Variants in INPP5K observed in about 807,000 individuals in gnomAD.
The protein encoded by INPP5K is inositol polyphosphate-5-phosphatase K, also known as inositol polyphosphate 5-phosphatase K.
Under a neutral mutation model 53.5 loss-of-function variants are expected in INPP5K, and 35 were observed. The ratio of observed to expected loss-of-function variants is 0.65; its 90% CI spans 0.50 to 0.87. INPP5K has a LOEUF of 0.87. Ranked by LOEUF, INPP5K falls within the 40% of genes least tolerant of loss-of-function variation. INPP5K has a pLI of 0.00. For missense variants in INPP5K, 550 were observed against 586.2 expected (o/e 0.94, Z 0.64); for synonymous variants, 253 against 232.8 (o/e 1.09, Z -0.79).
At chr17:1,506,351 C>T (rs1415971389) in intron 7 of INPP5K, among the ~76,000 whole-genome samples, 1 of 152,128 alleles carries the variant, frequency 6.6e-6, no homozygotes, top group East Asian at 1.9e-4. Flanking sequence ...TCACAATAGC[C>T]GTTCTCTCCC....
intron 8 of INPP5K, chr17:1,497,657 A>G (rs990095030): frequency 2.6e-5 from 8 of 306,460 alleles, no homozygotes; most frequent in African/African-American, 8.4e-5. Flanking sequence ...TACTTCTCAC[A>G]TTGGGTAATA....
intron 7 of INPP5K, among the ~76,000 whole-genome samples, chr17:1,499,757 C>CG (rs1029402757): frequency 5.3e-5 from 8 of 152,120 alleles, no homozygotes; most frequent in Non-Finnish European, 1.0e-4. Flanking sequence ...GTGTGTGTGG[C>CG]GGGGGAGCAG....
chr17:1,495,944 C>T (rs969720910), intron 11 of INPP5K, 65 bp from the exon 12 acceptor site: 45 of 1,454,174 alleles, frequency 3.1e-5, no homozygotes, highest in Middle Eastern at 1.7e-4. Context: ...CCATCACCCC[C>T]GTTCCTGCAC....
At position 1,496,167 on chromosome 17, in the gene INPP5K, G is replaced by A. The variant is rs376043697; in HGVS notation, c.1186-3C>T. 1 of 1,599,722 alleles carries A rather than the reference G, an allele frequency of 6.3e-7. No homozygotes were observed. On this transcript the variant is annotated splice_polypyrimidine_tract_variant and splice_region_variant and intron_variant, in intron 10 of 11. Coordinates refer to ENST00000421807, the MANE Select transcript of INPP5K (RefSeq NM_016532.4). ...ATATTGCTGATGTCGATGTAAACCT[G>A]GAGGGGGATGGACAGGACTGGGGTC...
rs2075205288 is a variant in INPP5K, at chr17:1,508,062, G to A, written c.666+53C>T. 1.3e-5 allele frequency: 16 copies of A among 1,224,982 alleles called. No homozygotes were observed. In the South Asian group the frequency reaches 1.8e-4, roughly 14 times the overall value. 75.9% of individuals were successfully genotyped at this position (1,224,982 alleles called of 1,614,324 possible). A position where few individuals can be genotyped will look rare whatever the true frequency, so the allele number is the denominator to read the frequency against. On this transcript the variant is annotated intron_variant, in intron 6 of 11. Coordinates refer to ENST00000421807, the MANE Select transcript of INPP5K (RefSeq NM_016532.4). ...TAGCAACACTCTGCACAGCTCACATGGCCCCCACCGTGGGCTCAGATCACC... is the reference window on the plus strand; with the variant it reads ...TAGCAACACTCTGCACAGCTCACATAGCCCCCACCGTGGGCTCAGATCACC...
chr17:1,503,949 G>A (rs1416631006), intron 7 of INPP5K, among the ~76,000 whole-genome samples: 5 of 152,068 alleles, frequency 3.3e-5, no homozygotes, highest in African/African-American at 7.2e-5. Context: ...GGTTCCTCTC[G>A]TCAGTGTGCT....
intron 4 of INPP5K, 123 bp downstream of exon 4, chr17:1,509,560 A>G (rs1470986902): frequency 2.3e-6 from 2 of 888,504 alleles, no homozygotes; most frequent in Non-Finnish European, 3.7e-6. Context: ...CTGAGGCAAA[A>G]GAACAAACAT....
At chr17:1,499,064 C>T (rs1056023200) in intron 7 of INPP5K, among the ~76,000 whole-genome samples, 4 of 152,234 alleles carry the variant, frequency 2.6e-5, no homozygotes, top group Non-Finnish European at 5.9e-5. Context: ...TCTCTCAGGC[C>T]TCAACTTCCT....
chr17:1,500,992 G>A (rs1450558625), intron 7 of INPP5K, among the ~76,000 whole-genome samples: 2 of 132,662 alleles, frequency 1.5e-5, no homozygotes, highest in African/African-American at 2.9e-5. Flanking sequence ...ACGGAGTCTC[G>A]CTATCGCCCA....
At chr17:1,496,636 G>A (rs2074853397) in intron 9 of INPP5K, 30 bp downstream of exon 9, 1 of 1,612,562 alleles carries the variant, frequency 6.2e-7, no homozygotes, top group African/African-American at 1.3e-5. Flanking sequence ...GGCTGTCGCT[G>A]ATGGACTTCC....
chr17:1,497,800 G>A, intron 8 of INPP5K, 136 bp downstream of exon 8: 1 of 752,450 alleles, frequency 1.3e-6, no homozygotes, highest in Non-Finnish European at 2.2e-6. Flanking sequence ...TATCCGACCT[G>A]GCAGGAAAGG....
In INPP5K at chr17:1,496,813, G is replaced by A. The variant is rs750107084; in HGVS notation, c.964-10C>T. ...ACACCAATGGCTTCAGCTAGACACG[G>A]GGGTGGGAAGGGGGCTGAATCTCGC... On this transcript the variant is annotated splice_polypyrimidine_tract_variant and intron_variant, in intron 8 of 11. Coordinates refer to ENST00000421807, the MANE Select transcript of INPP5K (RefSeq NM_016532.4). 5.0e-6 allele frequency: 8 copies of A among 1,613,172 alleles called. No homozygotes were observed. The Admixed American group carries it at 1.3e-4, about 27-fold the overall frequency.
Position 1,495,153 on chromosome 17 carries a change from C to T in INPP5K, c.*670G>A, listed in dbSNP as rs1461635560. 6.6e-6 allele frequency: 1 copy of T among 152,268 alleles called. No homozygotes were observed. Among genetic ancestry groups the T allele is most frequent in the Non-Finnish European group, 1.5e-5 (1 of 68,062 alleles). 9.4% of individuals were successfully genotyped at this position (152,268 alleles called of 1,614,324 possible). ...CCTTCCCAGTTCTCTCTGTCAGGAT[C>T]TGGAACTTCCATGCAGTCAGACTCC... is the stretch of plus-strand genomic sequence containing the variant. On this transcript the variant is annotated 3_prime_UTR_variant, in exon 12 of 12. Coordinates refer to ENST00000421807, the MANE Select transcript of INPP5K (RefSeq NM_016532.4).
chr17:1,513,990 G>C lies in INPP5K; in HGVS notation c.45-11C>G. ...GTCACGACGTGTATGCTGCGGAAGG[G>C]ATGCAGAGGGAAGTCATGGAGGAAG... On this transcript the variant is annotated splice_polypyrimidine_tract_variant and intron_variant, in intron 1 of 11. Transcript: ENST00000421807. 1 of 1,583,172 alleles carries C rather than the reference G, an allele frequency of 6.3e-7. No individual in the cohort carries two copies. The highest frequency in any genetic ancestry group is 8.7e-7 in the Non-Finnish European group (1 of 1,155,022).
At chr17:1,507,383 A>C in intron 6 of INPP5K, 1 of 375,454 alleles carries the variant, frequency 2.7e-6, no homozygotes, top group Non-Finnish European at 4.8e-6. Flanking sequence ...TCACTAGCAG[A>C]CATGTGTCAG....
At position 1,497,271 on chromosome 17, in the gene INPP5K, G is replaced by A. The variant is rs144160999; in HGVS notation, c.964-468C>T. ...GAGGATCACTTGAGCCCAGGAGTTC[G>A]AGACTAGCCTGGGCAACATAGTGAA... On this transcript the variant is annotated intron_variant, in intron 8 of 11. Coordinates refer to ENST00000421807, the MANE Select transcript of INPP5K (RefSeq NM_016532.4). 5.9e-5 allele frequency among the ~76,000 whole-genome samples: 9 copies of A among 152,318 alleles called. No individual in the cohort carries two copies. The East Asian group carries it at 7.7e-4, about 13-fold the overall frequency.
intron 7 of INPP5K, among the ~76,000 whole-genome samples, chr17:1,506,607 T>C (rs1170572640): frequency 6.6e-6 from 1 of 152,168 alleles, no homozygotes. Context: ...TTAATACCAG[T>C]AACTGGCTGG....
At chr17:1,497,319 A>C (rs939468441) in intron 8 of INPP5K, among the ~76,000 whole-genome samples, 7 of 152,166 alleles carry the variant, frequency 4.6e-5, no homozygotes, top group Non-Finnish European at 8.8e-5. Context: ...CAAAAAATAC[A>C]TAACAGCCAG....
At chr17:1,513,421 A>C (rs764115561) in intron 3 of INPP5K, 32 bp downstream of exon 3, 2 of 1,520,304 alleles carry the variant, frequency 1.3e-6, no homozygotes, top group African/African-American at 2.7e-5. Flanking sequence ...GTGAAAACAC[A>C]GTTGTCAAGT....
Sources: gnomAD v4.1 joint callset for allele counts (sites outside exome capture counted in the v4.1 genomes callset) on GRCh38, gnomAD v4.1.1 for gene constraint, MANE v1.5 for transcripts, NCBI Gene and HGNC (gene_info 2026-07-23, HGNC 2026-07-21) for gene names.